GDPD5: variants seen among roughly 807,000 people sequenced by gnomAD.
The protein encoded by GDPD5 is glycerophosphodiester phosphodiesterase domain containing 5, also known as glycerophosphodiester phosphodiesterase 2.
In GDPD5, 48 loss-of-function variants were observed where a neutral mutation model predicts 75.1. The ratio of observed to expected loss-of-function variants is 0.64; its 90% confidence interval spans 0.51 to 0.81. The LOEUF (loss-of-function observed/expected upper bound fraction) is 0.81. Ranked by LOEUF, GDPD5 falls within the 40% of genes least tolerant of loss-of-function variation. The pLI, the probability that GDPD5 is intolerant of heterozygous loss-of-function variation, is 0.00. For missense variants in GDPD5, 706 were observed against 822.6 expected, an observed-to-expected ratio of 0.86 and a Z score of 1.73; for synonymous variants, 336 against 339.0, an observed-to-expected ratio of 0.99 and a Z score of 0.10.
rs1948641015 is a variant in GDPD5, at chr11:75,436,946, A to G, written c.1659T>C (p.Leu553=). 1 of 1,613,164 alleles carries G rather than the reference A, an allele frequency of 6.2e-7. No individual in the cohort carries two copies. The highest frequency in any genetic ancestry group is 1.7e-5 in the Admixed American group (1 of 59,992). The part of the protein sequence containing the change: ...SRDVSIMKEK[L]IFSEISDGVE... The stretch of plus-strand genomic sequence containing the variant: ...TGCAGGGCTGTGTACCTGAGAAAAT[A>G]AGCTTCTCCTTCATGATGCTGACGT... The change falls in exon 16 of 17, where the codon CTT becomes CTC. Residue 553 remains leucine (L), a synonymous_variant. Transcript: ENST00000336898.
chr11:75,470,315 T>G (rs548299669), intron 3 of GDPD5, among the ~76,000 whole-genome samples: 5 of 152,348 alleles, frequency 3.3e-5, no homozygotes, highest in East Asian at 1.9e-4. Context: ...TGTATATTTT[T>G]TCTTATATAT....
At chr11:75,449,429 C>T in intron 8 of GDPD5, 88 bp downstream of exon 8, 1 of 1,335,106 alleles carries the variant, frequency 7.5e-7, no homozygotes, top group South Asian at 1.3e-5. Flanking sequence ...CCCAGGCCAC[C>T]CCCAGGGAAA....
At chr11:75,455,060 G>A in intron 6 of GDPD5, 1 of 270,912 alleles carries the variant, frequency 3.7e-6, no homozygotes, top group Non-Finnish European at 7.5e-6. Context: ...ATCTCACATA[G>A]GGGGCAGAGG....
At chr11:75,444,377 G>A in intron 10 of GDPD5, 36 bp downstream of exon 10, 2 of 1,484,636 alleles carry the variant, frequency 1.3e-6, no homozygotes, top group Non-Finnish European at 9.4e-7. Context: ...GCGTGTGGGA[G>A]GGGTAGAGGA....
intron 16 of GDPD5, among the ~76,000 whole-genome samples, chr11:75,436,320 C>T (rs1948623811): frequency 1.3e-5 from 2 of 152,254 alleles, no homozygotes; most frequent in South Asian, 4.1e-4. Context: ...GCACACATGC[C>T]GTGCCCACCT....
chr11:75,464,137 A>C (rs1479603963), intron 3 of GDPD5, among the ~76,000 whole-genome samples: 18 of 152,310 alleles, frequency 1.2e-4, no homozygotes. Flanking sequence ...AAGGAGGGAA[A>C]GTCTTCTCAC....
At chr11:75,511,550 G>A (rs1050679578) in intron 1 of GDPD5, among the ~76,000 whole-genome samples, 8 of 152,108 alleles carry the variant, frequency 5.3e-5, no homozygotes, top group Non-Finnish European at 8.8e-5. Flanking sequence ...CCCATGCCAC[G>A]GGACTAGGGC....
chr11:75,514,933 C>T (rs1950604843), intron 1 of GDPD5, among the ~76,000 whole-genome samples: 1 of 152,228 alleles, frequency 6.6e-6, no homozygotes, highest in South Asian at 2.1e-4. Context: ...GTAAGTGTTG[C>T]TGCTCTAATT....
At chr11:75,480,532 A>T (rs1793419) in intron 2 of GDPD5, among the ~76,000 whole-genome samples, 1 of 152,108 alleles carries the variant, frequency 6.6e-6, no homozygotes, top group African/African-American at 2.4e-5. Context: ...TTTATGTTTA[A>T]CCTTTTGAGG....
chr11:75,459,924 A>T (rs985059838), intron 4 of GDPD5, among the ~76,000 whole-genome samples: 3 of 152,156 alleles, frequency 2.0e-5, no homozygotes, highest in Non-Finnish European at 4.4e-5. Flanking sequence ...AGCGCTGGGC[A>T]GCTTCAGCCT....
chr11:75,511,492 G>A (rs1244561146), intron 1 of GDPD5, among the ~76,000 whole-genome samples: 1 of 152,212 alleles, frequency 6.6e-6, no homozygotes, highest in Non-Finnish European at 1.5e-5. Context: ...GGATTTATGT[G>A]ACCTAGCGTT....
intron 1 of GDPD5, among the ~76,000 whole-genome samples, chr11:75,509,539 G>T (rs1320560270): frequency 4.6e-5 from 7 of 152,224 alleles, no homozygotes; most frequent in African/African-American, 1.7e-4. Flanking sequence ...TTAATGCCAA[G>T]AACTGTTTAC....
intron 1 of GDPD5, among the ~76,000 whole-genome samples, chr11:75,498,332 C>CTGAGTGA (rs1332699142): frequency 6.6e-6 from 1 of 152,222 alleles, no homozygotes; most frequent in Non-Finnish European, 1.5e-5. Context: ...CGCAAGTTCC[C>CTGAGTGA]CCAAGTGATC....
At chr11:75,514,480 T>G (rs1461806743) in intron 1 of GDPD5, among the ~76,000 whole-genome samples, 1 of 152,266 alleles carries the variant, frequency 6.6e-6, no homozygotes, top group African/African-American at 2.4e-5. Flanking sequence ...CAGGGCTCTC[T>G]GCACGGGCCC....
intron 9 of GDPD5, among the ~76,000 whole-genome samples, chr11:75,447,329 T>C (rs1032589136): frequency 1.3e-5 from 2 of 152,212 alleles, no homozygotes; most frequent in Non-Finnish European, 2.9e-5. Context: ...GGATTCCATT[T>C]TAGATAATAT....
In GDPD5 at chr11:75,457,680, C is replaced by G; in HGVS notation, c.315+13G>C. 1 of 1,612,960 alleles carries G rather than the reference C, an allele frequency of 6.2e-7. No individual in the cohort carries two copies. The highest frequency in any genetic ancestry group is 8.5e-7 in the Non-Finnish European group (1 of 1,178,974). ...GAGCAGGGCCACCTGCCCTCCAAAACAGCCCCATGTACCAGGAGGCCAGCG... is the reference window on the plus strand; with the variant it reads ...GAGCAGGGCCACCTGCCCTCCAAAAGAGCCCCATGTACCAGGAGGCCAGCG... On this transcript the variant is annotated intron_variant, in intron 5 of 16. Transcript: ENST00000336898.
chr11:75,435,823 T>C (rs1232009276), intron 16 of GDPD5, among the ~76,000 whole-genome samples, 168 bp from the exon 17 acceptor site: 1 of 152,174 alleles, frequency 6.6e-6, no homozygotes, highest in East Asian at 1.9e-4. Context: ...CTTTGGTGTC[T>C]GCTGAGCACT....
chr11:75,441,030 G>T (rs548439), intron 14 of GDPD5, 133 bp downstream of exon 14: 590,955 of 848,730 alleles, frequency 0.7, 208,767 homozygotes, highest in East Asian at 0.91. Flanking sequence ...AAGCCTGCAC[G>T]CCCACCATGG....
rs141349531 is a variant in GDPD5 at position 75,466,138 on chromosome 11, T to G, written c.118-3249A>C. Among the ~76,000 whole-genome samples, 298 of 152,246 alleles carry G rather than the reference T, an allele frequency of 2.0e-3. 2 individuals carry two copies. The highest frequency in any genetic ancestry group is 6.7e-3 in the African/African-American group (279 of 41,528). On this transcript the variant is annotated intron_variant, in intron 3 of 16. Transcript: ENST00000336898. ...GTGAGGCATCCAGGCATGGAAGGAA[T>G]GCAGGCAGGGCCTAAGCAACAAGGA...
Sources: allele counts gnomAD v4.1 joint callset (sites outside exome capture counted in the v4.1 genomes callset), GRCh38; gene constraint gnomAD v4.1.1; transcripts MANE v1.5; gene names NCBI Gene and HGNC (gene_info 2026-07-23, HGNC 2026-07-21).